Variants in SLC1A1 observed in about 807,000 individuals in gnomAD.
SLC1A1 encodes solute carrier family 1 member 1.
A neutral mutation model predicts 53.3 loss-of-function variants in SLC1A1; 43 were observed. That is an observed-to-expected ratio of 0.81 (90% CI 0.63 to 1.04). SLC1A1 has a LOEUF of 1.04. Ranked by LOEUF, SLC1A1 falls within the 50% of genes least tolerant of loss-of-function variation. The pLI, the probability that SLC1A1 is intolerant of heterozygous loss-of-function variation, is 0.00. For missense variants in SLC1A1, 748 were observed against 664.9 expected, an observed-to-expected ratio of 1.12 and a Z score of -1.37; for synonymous variants, 307 against 243.2, an observed-to-expected ratio of 1.26 and a Z score of -2.44.
rs1383699605 is a variant in SLC1A1, at chr9:4,549,074, TTAC to T, written c.232+4372_232+4374del. 6.6e-6 allele frequency among the ~76,000 whole-genome samples: 1 copy of T among 152,196 alleles called. No homozygotes were observed. The highest frequency in any genetic ancestry group is 1.5e-5 in the Non-Finnish European group (1 of 68,020). On this transcript the variant is annotated intron_variant, in intron 2 of 11. Coordinates refer to ENST00000262352, the MANE Select transcript of SLC1A1 (RefSeq NM_004170.6). The surrounding 1 kb of genome is among the most constrained non-coding windows in gnomAD (Gnocchi z 4.1). ...AGTTTAAATTCAGGTCACATTTTCT[TTAC>T]TACTTCCCAAAATTAAACTATGATG...
chr9:4,510,760 G>C (rs1317861151), intron 1 of SLC1A1, among the ~76,000 whole-genome samples: 1 of 152,174 alleles, frequency 6.6e-6, no homozygotes, highest in Non-Finnish European at 1.5e-5. Context: ...GGCTAACTCA[G>C]CCCTGAGTCA....
intron 1 of SLC1A1, among the ~76,000 whole-genome samples, chr9:4,540,940 T>A (rs1443383992): frequency 2.0e-5 from 3 of 152,168 alleles, no homozygotes; most frequent in Non-Finnish European, 4.4e-5. Flanking sequence ...ATGGCCCAGG[T>A]TCCACACCTC....
intron 1 of SLC1A1, among the ~76,000 whole-genome samples, chr9:4,516,593 G>A (rs1363331618): frequency 6.6e-6 from 1 of 152,070 alleles, no homozygotes; most frequent in Non-Finnish European, 1.5e-5. Flanking sequence ...AATCCCATGG[G>A]CTTCACTTTC....
chr9:4,547,979 T>C (rs954504622), intron 2 of SLC1A1, among the ~76,000 whole-genome samples: 1 of 152,138 alleles, frequency 6.6e-6, no homozygotes, highest in Non-Finnish European at 1.5e-5. Flanking sequence ...GTATATACAT[T>C]TTTAAAAGTT....
Position 4,550,600 on chromosome 9 carries a change from G to A in SLC1A1, c.232+5893G>A, listed in dbSNP as rs60785188. ...GCGATAGGGTCTTGATATATTGCCA[G>A]GGCTGGTCTCAAACTCCTGGCCTCA... On this transcript the variant is annotated intron_variant, in intron 2 of 11. Coordinates refer to ENST00000262352, the MANE Select transcript of SLC1A1 (RefSeq NM_004170.6). Among the ~76,000 whole-genome samples the A allele has an allele frequency of 3.8e-4, 58 of 152,178 alleles. No individual in the cohort carries two copies. The East Asian group carries it at 0.011, about 28-fold the overall frequency.
Position 4,585,968 on chromosome 9 carries a change from G to T in SLC1A1, c.*410G>T. On this transcript the variant is annotated 3_prime_UTR_variant, in exon 12 of 12. Transcript: ENST00000262352. The stretch of plus-strand genomic sequence containing the variant: ...TTTTACTCAGGCTTTCTATTGGCAT[G>T]GATTTCCTTTGACCTCTCACTTTTT... 1 of 195,128 alleles carries T rather than the reference G, an allele frequency of 5.1e-6. No homozygotes were observed. Among genetic ancestry groups the T allele is most frequent in the South Asian group, 9.0e-5 (1 of 11,098 alleles). The allele number at this position is 195,128 out of a possible 1,614,324, so 12.1% of individuals were successfully genotyped here. A position where few individuals can be genotyped will look rare whatever the true frequency, so the allele number is the denominator to read the frequency against.
Position 4,531,484 on chromosome 9 carries a change from T to A in SLC1A1, c.92-13083T>A, listed in dbSNP as rs551925508. Among the ~76,000 whole-genome samples, 11 of 152,204 alleles carry A rather than the reference T, an allele frequency of 7.2e-5. No homozygotes were observed. The South Asian group carries it at 2.3e-3, about 32-fold the overall frequency. The stretch of plus-strand genomic sequence containing the variant: ...CTAGCACAGCAGTCTGAGATCAAAC[T>A]GCAAGGCAGCAGCGAGACTGGGGGA... On this transcript the variant is annotated intron_variant, in intron 1 of 11. Coordinates refer to ENST00000262352, the MANE Select transcript of SLC1A1 (RefSeq NM_004170.6).
intron 1 of SLC1A1, among the ~76,000 whole-genome samples, chr9:4,539,561 T>C (rs1816831192): frequency 6.6e-6 from 1 of 152,070 alleles, no homozygotes; most frequent in African/African-American, 2.4e-5. Context: ...TCTTTGTGTT[T>C]TACCAACTTA....
intron 10 of SLC1A1, among the ~76,000 whole-genome samples, chr9:4,578,947 C>A (rs1308949437): frequency 2.0e-5 from 3 of 152,182 alleles, no homozygotes; most frequent in Non-Finnish European, 2.9e-5. Flanking sequence ...TGAATCTGAA[C>A]TTTTTAGAGT....
At chr9:4,534,763 A>G in intron 1 of SLC1A1, among the ~76,000 whole-genome samples, 1 of 152,134 alleles carries the variant, frequency 6.6e-6, no homozygotes, top group Admixed American at 6.5e-5. Flanking sequence ...AAGAAAGAGA[A>G]TTTTAGACCA....
intron 1 of SLC1A1, among the ~76,000 whole-genome samples, chr9:4,543,902 A>G (rs1817230469): frequency 1.3e-5 from 2 of 152,164 alleles, no homozygotes; most frequent in Admixed American, 1.3e-4. Flanking sequence ...AAAATAGCCA[A>G]GCATGGTGGT....
intron 1 of SLC1A1, among the ~76,000 whole-genome samples, chr9:4,512,315 C>G (rs1376692573): frequency 6.6e-6 from 1 of 152,074 alleles, no homozygotes; most frequent in Admixed American, 6.5e-5. Context: ...GAATTGAACA[C>G]CATCTTGGGC....
intron 1 of SLC1A1, among the ~76,000 whole-genome samples, chr9:4,517,534 G>A (rs1386809300): frequency 1.3e-5 from 2 of 152,286 alleles, no homozygotes; most frequent in East Asian, 3.9e-4. Flanking sequence ...CTGATTTCCT[G>A]ATTGCTGTGA....
At chr9:4,512,227 T>G (rs1821022223) in intron 1 of SLC1A1, among the ~76,000 whole-genome samples, 1 of 152,160 alleles carries the variant, frequency 6.6e-6, no homozygotes, top group African/African-American at 2.4e-5. Flanking sequence ...AAAATTCATA[T>G]GGAGGCAGGG....
intron 1 of SLC1A1, among the ~76,000 whole-genome samples, chr9:4,498,990 ATATATAAGAT>A (rs982456832): frequency 7.1e-6 from 1 of 141,788 alleles, no homozygotes; most frequent in African/African-American, 2.7e-5. Flanking sequence ...CTTATATATT[ATATATAAGAT>A]TATATATTAT....
At chr9:4,493,433 T>A (rs2130787467) in intron 1 of SLC1A1, among the ~76,000 whole-genome samples, 1 of 152,344 alleles carries the variant, frequency 6.6e-6, no homozygotes, top group African/African-American at 2.4e-5. Context: ...CCTTGCTAGA[T>A]AATGATAGTA....
chr9:4,578,019 C>A (rs1478899148), intron 10 of SLC1A1, among the ~76,000 whole-genome samples: 1 of 152,176 alleles, frequency 6.6e-6, no homozygotes, highest in Non-Finnish European at 1.5e-5. Flanking sequence ...GTGGGTGGGG[C>A]TTACCAGAAC....
chr9:4,532,243 T>G (rs1816500001), intron 1 of SLC1A1, among the ~76,000 whole-genome samples: 1 of 152,020 alleles, frequency 6.6e-6, no homozygotes, highest in Non-Finnish European at 1.5e-5. Context: ...AGAAGAAGGC[T>G]TCAGATGATC....
At chr9:4,560,416 TAAG>T (rs1284579461) in intron 2 of SLC1A1, among the ~76,000 whole-genome samples, 14 of 150,758 alleles carry the variant, frequency 9.3e-5, no homozygotes, top group African/African-American at 3.1e-4. Flanking sequence ...ACTATAATAT[TAAG>T]AAGAAGAGAG....
Sources: allele counts gnomAD v4.1 joint callset (sites outside exome capture counted in the v4.1 genomes callset), GRCh38; gene constraint gnomAD v4.1.1; non-coding constraint Gnocchi (gnomAD v3.1); transcripts MANE v1.5; gene names NCBI Gene and HGNC (gene_info 2026-07-23, HGNC 2026-07-21).